EHD2: variants seen among roughly 807,000 people sequenced by gnomAD.
EHD2 encodes EH domain containing 2.
EHD2 carries 27 observed loss-of-function variants against 41.0 expected under a neutral mutation model. The observed-to-expected ratio is 0.66, with a 90% CI of 0.49 to 0.91. EHD2 has a LOEUF of 0.91. EHD2 is among the 40% of genes least tolerant of loss of function. The pLI, the probability that EHD2 is intolerant of heterozygous loss-of-function variation, is 0.00. For synonymous variants in EHD2, 342 were observed against 341.0 expected, an observed-to-expected ratio of 1.00 and a Z score of -0.03; for missense variants, 673 against 773.9, an observed-to-expected ratio of 0.87 and a Z score of 1.55.
At chr19:47,738,302 T>A (rs951744994) in intron 5 of EHD2, among the ~76,000 whole-genome samples, 2 of 152,128 alleles carry the variant, frequency 1.3e-5, no homozygotes, top group Non-Finnish European at 2.9e-5. Context: ...TAACGTGTAT[T>A]TCTTTTTTCT....
At chr19:47,714,038 T>C (rs970793937) in intron 1 of EHD2, among the ~76,000 whole-genome samples, 12 of 152,134 alleles carry the variant, frequency 7.9e-5, no homozygotes, top group Admixed American at 1.3e-4. Flanking sequence ...CTCTTTTCCA[T>C]TCTTGCCACT....
At chr19:47,736,086 C>T (rs949165495) in intron 4 of EHD2, among the ~76,000 whole-genome samples, 2 of 152,168 alleles carry the variant, frequency 1.3e-5, no homozygotes, top group Admixed American at 1.3e-4. Flanking sequence ...ATCCCAGCTA[C>T]TCAGGAGCCT....
Position 47,741,430 on chromosome 19 carries a change from T to A in EHD2, c.1630T>A (p.Ter544ArgextTer77). 6.7e-7 allele frequency: 1 copy of A among 1,493,412 alleles called. No individual in the cohort carries two copies. The highest frequency in any genetic ancestry group is 8.8e-7 in the Non-Finnish European group (1 of 1,134,708). The allele number at this position is 1,493,412 out of a possible 1,614,324, so 92.5% of individuals were successfully genotyped here. A position where few individuals can be genotyped will look rare whatever the true frequency, so the allele number is the denominator to read the frequency against. The change falls in exon 6 of 6, where the codon TGA (stop) becomes AGA (arginine). Residue 544 changes from the stop codon to arginine, a stop_lost. Coordinates refer to ENST00000263277, the MANE Select transcript of EHD2 (RefSeq NM_014601.4). The surrounding 1 kb of genome is among the most constrained non-coding windows in gnomAD (Gnocchi z 4.5). The part of the protein sequence containing the change: ...SKRRHKGSAE[*>R] ...GCGACGCCACAAGGGCTCCGCCGAG[T>A]GAGCCGGCCCCCCTCCCATGGCCCT... is the stretch of plus-strand genomic sequence containing the variant.
intron 3 of EHD2, among the ~76,000 whole-genome samples, chr19:47,720,316 G>A (rs1242346025): frequency 1.3e-5 from 2 of 152,042 alleles, no homozygotes; most frequent in Non-Finnish European, 2.9e-5. Flanking sequence ...GGCGCCCGCC[G>A]CACCCATGTC....
chr19:47,739,283 T>A (rs938284519), intron 5 of EHD2, among the ~76,000 whole-genome samples: 2 of 119,624 alleles, frequency 1.7e-5, no homozygotes, highest in Non-Finnish European at 3.1e-5. Flanking sequence ...AATTTTTTTT[T>A]TTTTTTTTTT....
At position 47,716,846 on chromosome 19, in the gene EHD2, G is replaced by C. The variant is rs1419098397; in HGVS notation, c.234G>C (p.Leu78=). ...GCAAGACCAGCTTCATCCAGTACCTGCTGGAGCAGGAGGTGCCCGGCTCCC... is the reference window on the plus strand; with the variant it reads ...GCAAGACCAGCTTCATCCAGTACCTCCTGGAGCAGGAGGTGCCCGGCTCCC... ...STGKTSFIQY[L]LEQEVPGSRV... Residue 78 remains leucine, a synonymous_variant, in exon 2 of 6, where the codon CTG becomes CTC. Transcript: ENST00000263277. 3 of 1,610,374 alleles carry C rather than the reference G, an allele frequency of 1.9e-6. No homozygotes were observed. The highest frequency in any genetic ancestry group is 2.5e-6 in the Non-Finnish European group (3 of 1,178,152).
Position 47,741,045 on chromosome 19 carries a change from G to C in EHD2, c.1245G>C (p.Glu415Asp), listed in dbSNP as rs2123662348. The C allele has an allele frequency of 6.2e-7, 1 of 1,609,682 alleles. No individual in the cohort carries two copies. The highest frequency in any genetic ancestry group is 8.5e-7 in the Non-Finnish European group (1 of 1,179,560). ...TEVGVQGGAFEGTHMGPFVER... is the reference protein window; with the variant it reads ...TEVGVQGGAFDGTHMGPFVER... Reference sequence around the variant, plus strand: ...TGGGCGTGCAGGGGGGCGCTTTTGAGGGCACCCACATGGGCCCGTTTGTGG... The same window carrying C: ...TGGGCGTGCAGGGGGGCGCTTTTGACGGCACCCACATGGGCCCGTTTGTGG... The change falls in exon 6 of 6, where the codon GAG becomes GAC. Residue 415 changes from glutamate (E) to aspartate (D), a missense_variant. By Grantham distance (45) the Glu-to-Asp change is conservative. Coordinates refer to ENST00000263277, the MANE Select transcript of EHD2 (RefSeq NM_014601.4). The surrounding 1 kb of genome is among the most constrained non-coding windows in gnomAD (Gnocchi z 4.5).
chr19:47,728,281 A>G (rs1440641787), intron 4 of EHD2, among the ~76,000 whole-genome samples: 1 of 151,428 alleles, frequency 6.6e-6, no homozygotes, highest in African/African-American at 2.4e-5. Context: ...AGTCCTGTGC[A>G]CTTGCTGCTC....
chr19:47,717,157 C>T, intron 2 of EHD2, 141 bp downstream of exon 2: 4 of 1,080,316 alleles, frequency 3.7e-6, no homozygotes, highest in Non-Finnish European at 5.3e-6. Context: ...AAGCAATTCT[C>T]CTGCCTCAGC....
chr19:47,721,931 G>C (rs1568589014), intron 3 of EHD2, among the ~76,000 whole-genome samples: 1 of 151,820 alleles, frequency 6.6e-6, no homozygotes, highest in Non-Finnish European at 1.5e-5. Flanking sequence ...GTTGCAGTGA[G>C]CCGAGCTCAT....
In EHD2 at chr19:47,742,649, C is replaced by T. The variant is rs1967004329; in HGVS notation, c.*1217C>T. 1 of 152,628 alleles carries T rather than the reference C, an allele frequency of 6.6e-6. No homozygotes were observed. Among genetic ancestry groups the T allele is most frequent in the African/African-American group, 2.4e-5 (1 of 41,444 alleles). 9.5% of individuals were successfully genotyped at this position (152,628 alleles called of 1,614,324 possible). A position where few individuals can be genotyped will look rare whatever the true frequency, so the allele number is the denominator to read the frequency against. ...ATCCTGCTCCTCTGATACTGTGCCC[C>T]CTTGGAGATATTTCCGTCCTCCACC... On this transcript the variant is annotated 3_prime_UTR_variant, in exon 6 of 6. Coordinates refer to ENST00000263277, the MANE Select transcript of EHD2 (RefSeq NM_014601.4).
chr19:47,721,162 GGGGTGTGTGTGTGTGTGT>G (rs1180080720), intron 3 of EHD2, among the ~76,000 whole-genome samples: 5 of 138,208 alleles, frequency 3.6e-5, no homozygotes, highest in African/African-American at 8.9e-5. Flanking sequence ...TGTGCTACTG[GGGGTGTGTGTGTGTGTGT>G]GTGTGTGTGT....
chr19:47,739,727 T>C (rs1025866425), intron 5 of EHD2, among the ~76,000 whole-genome samples: 4 of 150,302 alleles, frequency 2.7e-5, no homozygotes, highest in African/African-American at 9.8e-5. Context: ...GGATTACAAG[T>C]GTGAGCCACC....
In EHD2 at chr19:47,740,985, C is replaced by T. The variant is rs1229836298; in HGVS notation, c.1185C>T (p.Pro395=). 1 of 1,611,964 alleles carries T rather than the reference C, an allele frequency of 6.2e-7. No individual in the cohort carries two copies. Among genetic ancestry groups the T allele is most frequent in the Admixed American group, 1.7e-5 (1 of 59,902 alleles). The change falls in exon 6 of 6, where the codon CCC becomes CCT. Residue 395 remains proline (P), a synonymous_variant. Transcript: ENST00000263277. Reference sequence around the variant, plus strand: ...CGCACGACATCGCCAAGCTCATGCCCCTGCTGCGGCAGGAGGAGCTGGAGA... The same window carrying T: ...CGCACGACATCGCCAAGCTCATGCCTCTGCTGCGGCAGGAGGAGCTGGAGA... ...MLTHDIAKLM[P]LLRQEELEST... is the part of the protein sequence containing the mutation.
rs1241422806 is a variant in EHD2, at chr19:47,726,072, G to A, written c.763G>A (p.Gly255Ser). The change falls in exon 4 of 6, where the codon GGC becomes AGC. Residue 255 changes from glycine to serine, a missense_variant. Physicochemically the swap from Gly to Ser is moderately conservative, Grantham distance 56. Coordinates refer to ENST00000263277, the MANE Select transcript of EHD2 (RefSeq NM_014601.4). The stretch of plus-strand genomic sequence containing the variant: ...GCCCGAGGTGCTGCGCGTCTACATC[G>A]GCTCCTTCTGGTCCCAGCCCCTCCT... ...GTPEVLRVYI[G>S]SFWSQPLLVP... 1.3e-6 allele frequency: 2 copies of A among 1,578,926 alleles called. No homozygotes were observed. Among genetic ancestry groups the A allele is most frequent in the Non-Finnish European group, 1.7e-6 (2 of 1,163,354 alleles).
chr19:47,740,455 A>G (rs1966973781), intron 5 of EHD2, among the ~76,000 whole-genome samples: 1 of 151,450 alleles, frequency 6.6e-6, no homozygotes, highest in African/African-American at 2.4e-5. Context: ...ACAAAACAAA[A>G]CAAAACAAAA....
intron 3 of EHD2, among the ~76,000 whole-genome samples, chr19:47,721,705 C>T (rs114506070): frequency 0.012 from 1,816 of 151,966 alleles, 37 homozygotes; most frequent in African/African-American, 0.041. Flanking sequence ...GAATAATGGG[C>T]TGGGCGCAGT....
chr19:47,740,870 C>T lies in EHD2; in HGVS notation c.1081-11C>T, dbSNP rs373318886. 6.2e-5 allele frequency: 100 copies of T among 1,611,286 alleles called. No individual in the cohort carries two copies. In the African/African-American group the frequency reaches 1.0e-3, roughly 17 times the overall value. On this transcript the variant is annotated splice_polypyrimidine_tract_variant and intron_variant, in intron 5 of 5. Transcript: ENST00000263277. ...CGCTTGAATTCTGGGTGCCCCTGTCCCCCACCACAGGAGCTGCTGATGGCG... is the reference window on the plus strand; with the variant it reads ...CGCTTGAATTCTGGGTGCCCCTGTCTCCCACCACAGGAGCTGCTGATGGCG...
At chr19:47,717,410 C>A (rs973213915) in intron 2 of EHD2, among the ~76,000 whole-genome samples, 5 of 152,148 alleles carry the variant, frequency 3.3e-5, no homozygotes, top group Admixed American at 2.0e-4. Flanking sequence ...TGTCCCCTCC[C>A]TGACTGTGTT....
Sources: gnomAD v4.1 joint callset for allele counts (sites outside exome capture counted in the v4.1 genomes callset) on GRCh38, gnomAD v4.1.1 for gene constraint, Gnocchi (gnomAD v3.1) non-coding constraint, MANE v1.5 for transcripts, NCBI Gene and HGNC (gene_info 2026-07-23, HGNC 2026-07-21) for gene names.